Variants in DPH6 observed in about 807,000 individuals in gnomAD.
DPH6 encodes the protein diphthamine biosynthesis 6, also known as diphthine--ammonia ligase.
Under a neutral mutation model 38.2 loss-of-function variants are expected in DPH6, and 33 were observed. That is an observed-to-expected ratio of 0.86 (90% CI 0.65 to 1.15). The LOEUF (loss-of-function observed/expected upper bound fraction) is 1.15, where lower values mean the gene tolerates loss of function less well. Ranked by LOEUF, DPH6 falls within the 50% of genes most tolerant of loss-of-function variation. The pLI, the probability that DPH6 is intolerant of heterozygous loss-of-function variation, is 0.00. For missense variants in DPH6, 325 were observed against 320.0 expected, an observed-to-expected ratio of 1.02 and a Z score of -0.12; for synonymous variants, 108 against 103.0, an observed-to-expected ratio of 1.05 and a Z score of -0.30.
chr15:35,436,488 ACAAAACAAAACAAAACAAAACAAAAC>A (rs1566909208), intron 5 of DPH6, among the ~76,000 whole-genome samples: 3,621 of 39,300 alleles, frequency 0.092, 317 homozygotes, highest in African/African-American at 0.22. Context: ...CAAAAACAAA[ACAAAACAAAACAAAACAAAACAAAAC>A]AAAAAAGGTT....
intron 6 of DPH6, among the ~76,000 whole-genome samples, chr15:35,385,807 A>C (rs1297563933): frequency 6.6e-6 from 1 of 152,208 alleles, no homozygotes; most frequent in Non-Finnish European, 1.5e-5. Context: ...AACTTATTTT[A>C]TAATTTTCAT....
chr15:35,317,328 G>T (rs554390243), intron 3 of DPH6, among the ~76,000 whole-genome samples: 1 of 133,338 alleles, frequency 7.5e-6, no homozygotes, highest in Middle Eastern at 4.0e-3. Context: ...AAGGAAAAAA[G>T]AAAGAAAGAA....
At chr15:35,210,310 A>T in the DPH6 span, among the ~76,000 whole-genome samples, 1 of 152,202 alleles carries the variant, frequency 6.6e-6, no homozygotes, top group Non-Finnish European at 1.5e-5. Flanking sequence ...TGGGGATTAG[A>T]TGTATATAAA....
intron 3 of DPH6, among the ~76,000 whole-genome samples, chr15:35,293,267 A>G (rs1452934499): frequency 6.6e-6 from 1 of 152,240 alleles, no homozygotes; most frequent in Non-Finnish European, 1.5e-5. Flanking sequence ...TAAAATTGTA[A>G]TATGAATAAT....
At position 35,510,558 on chromosome 15, in the gene DPH6, G is replaced by A. The variant is rs112561715; in HGVS notation, c.312+27716C>T. On this transcript the variant is annotated intron_variant, in intron 3 of 8. Coordinates refer to ENST00000256538, the MANE Select transcript of DPH6 (RefSeq NM_080650.4). ...TTCTTCTAGTGGTAACCATAGGGAT[G>A]AGGAAGGATAAAAGCATTTCGATGC... Among the ~76,000 whole-genome samples the A allele has an allele frequency of 6.5e-3, 992 of 152,272 alleles. 18 individuals are homozygous for A. Among genetic ancestry groups the A allele is most frequent in the African/African-American group, 0.023 (955 of 41,554 alleles).
At chr15:35,182,220 A>ATTTTTTTTT in the DPH6 span, among the ~76,000 whole-genome samples, 22 of 86,036 alleles carry the variant, frequency 2.6e-4, 1 homozygote, top group African/African-American at 1.9e-4. Flanking sequence ...AACTCTAAGA[A>ATTTTTTTTT]TTTTTTTTTT....
At chr15:35,398,301 C>A (rs577362534) in intron 6 of DPH6, among the ~76,000 whole-genome samples, 1 of 152,230 alleles carries the variant, frequency 6.6e-6, no homozygotes, top group East Asian at 1.9e-4. Flanking sequence ...TTGGGATGGG[C>A]AATGGTTGCC....
At chr15:35,391,742 C>A (rs1038528142) in intron 6 of DPH6, among the ~76,000 whole-genome samples, 1 of 152,210 alleles carries the variant, frequency 6.6e-6, no homozygotes, top group Admixed American at 6.5e-5. Context: ...CCGTCTGTCA[C>A]CCTTTTCTTT....
chr15:35,480,166 T>C (rs1027150959), intron 3 of DPH6, among the ~76,000 whole-genome samples: 3 of 152,064 alleles, frequency 2.0e-5, no homozygotes, highest in African/African-American at 7.2e-5. Flanking sequence ...GATTTTATAG[T>C]ACTAATCTAA....
the DPH6 span, among the ~76,000 whole-genome samples, chr15:35,179,937 G>A: frequency 6.6e-6 from 1 of 152,088 alleles, no homozygotes; most frequent in African/African-American, 2.4e-5. Flanking sequence ...TTCTGAAAAC[G>A]TCAGCAAAAT....
At chr15:35,338,457 T>G (rs1388206552) in intron 3 of DPH6, among the ~76,000 whole-genome samples, 6 of 152,034 alleles carry the variant, frequency 3.9e-5, no homozygotes, top group Non-Finnish European at 8.8e-5. Context: ...GCCATCAGAG[T>G]AATACAAATC....
At chr15:35,540,806 T>C in intron 2 of DPH6, among the ~76,000 whole-genome samples, 1 of 152,226 alleles carries the variant, frequency 6.6e-6, no homozygotes, top group African/African-American at 2.4e-5. Context: ...GTAAGTAAAA[T>C]AATTCATGTG....
chr15:35,153,097 T>C, the DPH6 span, among the ~76,000 whole-genome samples: 1 of 152,140 alleles, frequency 6.6e-6, no homozygotes, highest in African/African-American at 2.4e-5. Context: ...GATGTGAAAA[T>C]TATGTAAAAT....
At chr15:35,372,314 G>A (rs903962981) in intron 8 of DPH6, 111 bp from the exon 9 acceptor site, 19 of 915,650 alleles carry the variant, frequency 2.1e-5, no homozygotes, top group South Asian at 3.4e-5. Flanking sequence ...TGTTATCTTC[G>A]CAGCCTATTT....
At position 35,449,103 on chromosome 15, in the gene DPH6, T is replaced by C. The variant is rs372637599; in HGVS notation, c.505+1582A>G. 2.6e-4 allele frequency among the ~76,000 whole-genome samples: 40 copies of C among 151,948 alleles called. 1 individual carries two copies. The highest frequency in any genetic ancestry group is 7.0e-4 in the African/African-American group (29 of 41,492). On this transcript the variant is annotated intron_variant, in intron 5 of 8. Transcript: ENST00000256538. Reference sequence around the variant, plus strand: ...AGGCTTAGCAACCTATATTGCATCATTTATATGTTTCTATGTCTTCAGAAG... The same window carrying C: ...AGGCTTAGCAACCTATATTGCATCACTTATATGTTTCTATGTCTTCAGAAG...
the DPH6 span, among the ~76,000 whole-genome samples, chr15:35,200,787 G>A: frequency 2.0e-5 from 3 of 151,934 alleles, no homozygotes; most frequent in South Asian, 6.2e-4. Context: ...CTTGAAGCAA[G>A]TCTGAAATTG....
chr15:35,367,474 T>G (rs1004775264), downstream of DPH6, among the ~76,000 whole-genome samples: 4 of 152,056 alleles, frequency 2.6e-5, no homozygotes, highest in African/African-American at 9.6e-5. Flanking sequence ...TTGATTTATG[T>G]AAAGCTTTGG....
intron 3 of DPH6, among the ~76,000 whole-genome samples, chr15:35,504,898 G>T (rs984583589): frequency 6.6e-6 from 1 of 151,924 alleles, no homozygotes; most frequent in Non-Finnish European, 1.5e-5. Flanking sequence ...ACATATCAAA[G>T]TAAAAAAAGG....
chr15:35,190,121 G>T, the DPH6 span, among the ~76,000 whole-genome samples: 1 of 152,162 alleles, frequency 6.6e-6, no homozygotes, highest in East Asian at 1.9e-4. Context: ...GGCAGTACTG[G>T]AATAAAATTT....
Sources: allele counts gnomAD v4.1 joint callset (sites outside exome capture counted in the v4.1 genomes callset), GRCh38; gene constraint gnomAD v4.1.1; transcripts MANE v1.5; gene names NCBI Gene and HGNC (gene_info 2026-07-23, HGNC 2026-07-21).